Variants in ASIC2 observed in about 807,000 individuals in gnomAD.
ASIC2 encodes acid sensing ion channel subunit 2, also known as acid-sensing ion channel 2.
ASIC2 carries 25 observed loss-of-function variants against 57.3 expected under a neutral mutation model. The observed-to-expected ratio is 0.44, with a 90% confidence interval of 0.32 to 0.61. ASIC2 has a LOEUF of 0.61. Among genes scored for constraint, ASIC2 ranks in the 20% least tolerant of loss-of-function variants. ASIC2 has a pLI of 0.06. For missense variants in ASIC2, 641 were observed against 738.1 expected, an observed-to-expected ratio of 0.87 and a Z score of 1.52; for synonymous variants, 319 against 307.5, an observed-to-expected ratio of 1.04 and a Z score of -0.39.
At chr17:33,410,451 C>G (rs529587975) in intron 1 of ASIC2, among the ~76,000 whole-genome samples, 1 of 152,296 alleles carries the variant, frequency 6.6e-6, no homozygotes, top group African/African-American at 2.4e-5. Context: ...AATTAATAAT[C>G]CAGCTTAGGT....
intron 1 of ASIC2, among the ~76,000 whole-genome samples, chr17:33,628,910 A>C (rs1906073090): frequency 6.6e-6 from 1 of 152,174 alleles, no homozygotes; most frequent in South Asian, 2.1e-4. Context: ...TTAGCCCTGC[A>C]CTGTGCCTGG....
intron 1 of ASIC2, among the ~76,000 whole-genome samples, chr17:33,369,056 A>G (rs145461262): frequency 1.2e-4 from 19 of 152,320 alleles, no homozygotes; most frequent in Non-Finnish European, 2.2e-4. Flanking sequence ...CTGCTTCCCT[A>G]TGAAGATTAT....
intron 1 of ASIC2, among the ~76,000 whole-genome samples, chr17:33,868,054 T>C (rs1914289138): frequency 6.6e-6 from 1 of 152,208 alleles, no homozygotes; most frequent in Non-Finnish European, 1.5e-5. Context: ...CATTTGATCT[T>C]AGCAAGAGCT....
chr17:33,354,042 G>T (rs1184076192), intron 1 of ASIC2, among the ~76,000 whole-genome samples: 1 of 152,172 alleles, frequency 6.6e-6, no homozygotes, highest in Non-Finnish European at 1.5e-5. Context: ...CTTACATGGT[G>T]CGGGCAAGAG....
At chr17:33,692,892 A>G (rs2046902) in intron 1 of ASIC2, among the ~76,000 whole-genome samples, 52,495 of 152,122 alleles carry the variant, frequency 0.35, 10,623 homozygotes, top group African/African-American at 0.57. Flanking sequence ...TGACCTAAAT[A>G]TCATTATGAG....
intron 1 of ASIC2, among the ~76,000 whole-genome samples, chr17:33,310,639 A>G (rs1300337575): frequency 6.6e-6 from 1 of 152,186 alleles, no homozygotes; most frequent in East Asian, 1.9e-4. Context: ...TTTGATCCTT[A>G]CCTTGTATCT....
intron 1 of ASIC2, among the ~76,000 whole-genome samples, chr17:33,850,722 C>T (rs958281907): frequency 9.9e-5 from 15 of 152,170 alleles, no homozygotes; most frequent in African/African-American, 3.4e-4. Flanking sequence ...TGGAATCTAT[C>T]TGCTGTTTCA....
At chr17:33,215,473 T>C (rs389265) in intron 1 of ASIC2, among the ~76,000 whole-genome samples, 106,676 of 152,080 alleles carry the variant, frequency 0.7, 37,674 homozygotes, top group Non-Finnish European at 0.75. Flanking sequence ...CATTGAATTA[T>C]GGGTATGTAA....
At chr17:33,644,931 C>G (rs1037042274) in intron 1 of ASIC2, among the ~76,000 whole-genome samples, 8 of 152,090 alleles carry the variant, frequency 5.3e-5, no homozygotes, top group African/African-American at 1.4e-4. Flanking sequence ...GGAGGAAGAA[C>G]AGTAGGAAGA....
At chr17:33,029,003 G>T (rs987673045) in intron 3 of ASIC2, among the ~76,000 whole-genome samples, 1 of 152,166 alleles carries the variant, frequency 6.6e-6, no homozygotes, top group Non-Finnish European at 1.5e-5. Flanking sequence ...TATTTTCAGA[G>T]GTCCAGTGAT....
At chr17:33,955,996 T>C (rs1567768074) in intron 1 of ASIC2, among the ~76,000 whole-genome samples, 2 of 152,170 alleles carry the variant, frequency 1.3e-5, no homozygotes, top group Non-Finnish European at 2.9e-5. Flanking sequence ...ATAGACAAGC[T>C]GAGGGCCCAT....
chr17:33,812,614 C>A (rs1912458021), intron 1 of ASIC2, among the ~76,000 whole-genome samples: 1 of 152,104 alleles, frequency 6.6e-6, no homozygotes, highest in Non-Finnish European at 1.5e-5. Context: ...GCAGAGAGGA[C>A]CTGACCCAGC....
At chr17:33,343,564 T>A (rs918307010) in intron 1 of ASIC2, among the ~76,000 whole-genome samples, 1 of 152,206 alleles carries the variant, frequency 6.6e-6, no homozygotes, top group Non-Finnish European at 1.5e-5. Flanking sequence ...CGGCTTGTTT[T>A]TTCCTATGCC....
At chr17:33,645,533 CA>C (rs1318379442) in intron 1 of ASIC2, among the ~76,000 whole-genome samples, 1 of 152,182 alleles carries the variant, frequency 6.6e-6, no homozygotes, top group African/African-American at 2.4e-5. Context: ...TCTTATTTTC[CA>C]CTTTTCCTGA....
chr17:33,875,739 C>A (rs1309138561), intron 1 of ASIC2, among the ~76,000 whole-genome samples: 5 of 152,110 alleles, frequency 3.3e-5, no homozygotes, highest in African/African-American at 7.2e-5. Context: ...TTGGCTGTCT[C>A]ATTTCACTCA....
chr17:34,010,785 C>CCACA (rs972255058), intron 1 of ASIC2, among the ~76,000 whole-genome samples: 71 of 149,560 alleles, frequency 4.7e-4, no homozygotes, highest in African/African-American at 1.7e-3. Context: ...ACACACCCAC[C>CCACA]CACACACAAC....
At chr17:33,470,347 C>T (rs1006607338) in intron 1 of ASIC2, among the ~76,000 whole-genome samples, 5 of 152,192 alleles carry the variant, frequency 3.3e-5, no homozygotes, top group Non-Finnish European at 7.3e-5. Flanking sequence ...GTTTCAGGAG[C>T]CCTGGGCATG....
At chr17:33,414,755 T>C (rs1910780125) in intron 1 of ASIC2, among the ~76,000 whole-genome samples, 1 of 152,220 alleles carries the variant, frequency 6.6e-6, no homozygotes, top group Non-Finnish European at 1.5e-5. Flanking sequence ...TTAATTTGGT[T>C]CTGTCACTGA....
In ASIC2 at chr17:34,136,179, C is replaced by T. The variant is rs554020437; in HGVS notation, c.555+19799G>A. Among the ~76,000 whole-genome samples the T allele has an allele frequency of 5.3e-5, 8 of 152,262 alleles. No homozygotes were observed. In the South Asian group the frequency reaches 1.7e-3, roughly 32 times the overall value. On this transcript the variant is annotated intron_variant, in intron 1 of 9. Transcript: ENST00000359872. ...CTTTGTAGCAATAACATACTAAACTCCAACTTGACTCTGACGTAACATCAC... is the reference window on the plus strand; with the variant it reads ...CTTTGTAGCAATAACATACTAAACTTCAACTTGACTCTGACGTAACATCAC...
Sources: gnomAD v4.1 joint callset for allele counts (sites outside exome capture counted in the v4.1 genomes callset) on GRCh38, gnomAD v4.1.1 for gene constraint, MANE v1.5 for transcripts, NCBI Gene and HGNC (gene_info 2026-07-23, HGNC 2026-07-21) for gene names.